The following EP400 variants were observed in gnomAD, a reference collection of about 807,000 sequenced individuals.
EP400 encodes the protein E1A binding protein p400.
In EP400, 105 loss-of-function variants were observed where a neutral mutation model predicts 354.1. That is an observed-to-expected ratio of 0.30 (90% CI 0.25 to 0.35). EP400 has a LOEUF of 0.35. Ranked by LOEUF, EP400 falls within the 10% of genes least tolerant of loss-of-function variation. The pLI is 1.00. For synonymous variants in EP400, 1,646 were observed against 1,716.9 expected (o/e 0.96, Z 1.02); for missense variants, 3,280 against 4,121.0 (o/e 0.80, Z 5.59).
At chr12:132,074,327 T>TCAC (rs1176721769) in intron 51 of EP400, among the ~76,000 whole-genome samples, 1 of 152,164 alleles carries the variant, frequency 6.6e-6, no homozygotes, top group Non-Finnish European at 1.5e-5. Context: ...TCTTCCAGGG[T>TCAC]CACCTGTCTC....
In EP400 at chr12:132,067,075, C is replaced by T; in HGVS notation, c.8749+106C>T. The T allele has an allele frequency of 7.4e-7, 1 of 1,359,590 alleles. No homozygotes were observed. Among genetic ancestry groups the T allele is most frequent in the Non-Finnish European group, 9.7e-7 (1 of 1,030,436 alleles). 84.2% of individuals were successfully genotyped at this position (1,359,590 alleles called of 1,614,324 possible). ...CCCGTGTTCTTTCCTCACACCCACCCACTTGAGCGTGCCATCACGTGTTCT... is the reference window on the plus strand; with the variant it reads ...CCCGTGTTCTTTCCTCACACCCACCTACTTGAGCGTGCCATCACGTGTTCT... On this transcript the variant is annotated intron_variant, in intron 49 of 52. Transcript: ENST00000389561. This position sits in a 1 kb window ranked among gnomAD's most constrained non-coding sequence, Gnocchi z 5.3.
intron 51 of EP400, among the ~76,000 whole-genome samples, chr12:132,071,592 C>T (rs148964637): frequency 4.0e-4 from 61 of 152,324 alleles, no homozygotes; most frequent in African/African-American, 1.4e-3. Flanking sequence ...GCTCCTCCTC[C>T]GCACCCTTCC....
chr12:132,062,405 A>G, intron 46 of EP400, 61 bp from the exon 47 acceptor site: 1 of 1,610,352 alleles, frequency 6.2e-7, no homozygotes, highest in South Asian at 1.1e-5. Context: ...CTGTCTGAGA[A>G]TGAGGATCTG....
At chr12:132,030,706 C>T in intron 29 of EP400, among the ~76,000 whole-genome samples, 1 of 152,184 alleles carries the variant, frequency 6.6e-6, no homozygotes, top group East Asian at 1.9e-4. Context: ...ACAAACACAC[C>T]ACTTAAGATC....
chr12:132,000,998 T>C (rs887084056), intron 12 of EP400, among the ~76,000 whole-genome samples: 24 of 152,362 alleles, frequency 1.6e-4, no homozygotes, highest in Middle Eastern at 6.8e-3. Flanking sequence ...TGGTTTCTGC[T>C]GATGGTACAT....
intron 1 of EP400, among the ~76,000 whole-genome samples, chr12:131,957,478 T>G (rs1288116870): frequency 2.0e-5 from 3 of 151,566 alleles, no homozygotes; most frequent in Non-Finnish European, 2.9e-5. Flanking sequence ...TGGTTTTTTT[T>G]TTTTCCTGTC....
chr12:131,961,942 TATC>T lies in EP400; in HGVS notation c.1325_1327del (p.Ile442del). The T allele has an allele frequency of 6.2e-7, 1 of 1,611,758 alleles. No homozygotes were observed. Among genetic ancestry groups the T allele is most frequent in the Non-Finnish European group, 8.5e-7 (1 of 1,178,982 alleles). ...AAGAGGAGGAAGAAAAATCTGAGGT[TATC>T]AATGACGAGGTAAGAAACAGGAGTT... On this transcript the variant is annotated inframe_deletion, in exon 2 of 53. Coordinates refer to ENST00000389561, the MANE Select transcript of EP400 (RefSeq NM_015409.5).
rs1187486120 is a variant in EP400, at chr12:132,023,843, C to T, written c.4757C>T (p.Pro1586Leu). Residue 1586 changes from proline to leucine, a missense_variant, in exon 24 of 53, where the codon CCA (proline) becomes CTA (leucine). Physicochemically the swap from Pro to Leu is moderately conservative, Grantham distance 98. This residue lies in a region of EP400 where 25 missense variants were observed against 51.2 expected (regional missense o/e 0.49). Transcript: ENST00000389561. ...GGACCACAGAGCCGCGTGGCTCAGCCAGAGACGCCGGTGACACTGCAGTTC... is the reference window on the plus strand; with the variant it reads ...GGACCACAGAGCCGCGTGGCTCAGCTAGAGACGCCGGTGACACTGCAGTTC... Reference protein sequence around the residue: ...ITGPQSRVAQPETPVTLQFQG... With the variant: ...ITGPQSRVAQLETPVTLQFQG... The T allele has an allele frequency of 1.9e-6, 3 of 1,613,722 alleles. No homozygotes were observed. The highest frequency in any genetic ancestry group is 2.5e-6 in the Non-Finnish European group (3 of 1,179,916).
chr12:132,069,526 C>T lies in EP400; in HGVS notation c.8906C>T (p.Ala2969Val), dbSNP rs143643260. Reference sequence around the variant, plus strand: ...GCACAGCAGATCACCACCCCTGGCGCGCAGCAGAAGGTTGCCTACGCCGCG... The same window carrying T: ...GCACAGCAGATCACCACCCCTGGCGTGCAGCAGAAGGTTGCCTACGCCGCG... Reference protein sequence around the residue: ...ITAQQITTPGAQQKVAYAAQP... With the variant: ...ITAQQITTPGVQQKVAYAAQP... Residue 2969 changes from alanine (A) to valine (V), a missense_variant, in exon 51 of 53, where the codon GCG becomes GTG. By Grantham distance (64) the Ala-to-Val change is moderately conservative (BLOSUM62 0). Coordinates refer to ENST00000389561, the MANE Select transcript of EP400 (RefSeq NM_015409.5). 3.1e-5 allele frequency: 50 copies of T among 1,614,086 alleles called. No homozygotes were observed. The African/African-American group carries it at 4.1e-4, about 13-fold the overall frequency.
intron 24 of EP400, among the ~76,000 whole-genome samples, chr12:132,024,875 G>A (rs1024228948): frequency 6.7e-6 from 1 of 148,652 alleles, no homozygotes; most frequent in African/African-American, 2.5e-5. Context: ...TTCCGTGACT[G>A]CAGCCTCAGC....
chr12:132,040,524 G>GT (rs1653373836), intron 32 of EP400, among the ~76,000 whole-genome samples: 1 of 152,204 alleles, frequency 6.6e-6, no homozygotes, highest in Non-Finnish European at 1.5e-5. Flanking sequence ...CAGCAGCATA[G>GT]TATTTCAACA....
rs1481119654 is a variant in EP400, at chr12:131,982,104, C to T, written c.1555C>T (p.Pro519Ser). ...LMPTAQGGMP[P>S]TPQAAQLAGQ... ...TTCTTATTTTGCAGGAGGAATGCCC[C>T]CCACGCCGCAGGCCGCGCAGCTCGC... Residue 519 changes from proline (P) to serine (S), a missense_variant, in exon 5 of 53, where the codon CCC becomes TCC. Coordinates refer to ENST00000389561, the MANE Select transcript of EP400 (RefSeq NM_015409.5). The T allele has an allele frequency of 6.6e-7, 1 of 1,514,338 alleles. No homozygotes were observed. The highest frequency in any genetic ancestry group is 2.1e-4 in the Middle Eastern group (1 of 4,786). The allele number at this position is 1,514,338 out of a possible 1,614,324, so 93.8% of individuals were successfully genotyped here.
At chr12:132,019,371 CT>C (rs1338876492) in intron 21 of EP400, among the ~76,000 whole-genome samples, 9 of 152,138 alleles carry the variant, frequency 5.9e-5, no homozygotes, top group Non-Finnish European at 1.0e-4. Context: ...CCGTCTCTGC[CT>C]GTTACATTGT....
Position 132,028,190 on chromosome 12 carries a change from C to T in EP400, c.5283C>T (p.Ala1761=), listed in dbSNP as rs775750157. ...GSLDGRRGKE[A]GPAHSYTSSS... The stretch of plus-strand genomic sequence containing the variant: ...TGGATGGCCGTCGTGGGAAGGAGGC[C>T]GGGCCAGCGCACAGTTACACTTCAT... Residue 1761 remains alanine (A), a synonymous_variant, in exon 27 of 53, where the codon GCC becomes GCT. Transcript: ENST00000389561. The T allele has an allele frequency of 8.1e-6, 13 of 1,613,990 alleles. No homozygotes were observed. In the Admixed American group the frequency reaches 8.3e-5, roughly 10 times the overall value.
rs753781594 is a variant in EP400, at chr12:131,961,972, A to G, written c.1335+18A>G. 6.3e-7 allele frequency: 1 copy of G among 1,599,086 alleles called. No individual in the cohort carries two copies. The highest frequency in any genetic ancestry group is 8.5e-7 in the Non-Finnish European group (1 of 1,173,902). ...ATGACGAGGTAAGAAACAGGAGTTAATTTGTTTAGTACAAATCTTCTAGAT... is the reference window on the plus strand; with the variant it reads ...ATGACGAGGTAAGAAACAGGAGTTAGTTTGTTTAGTACAAATCTTCTAGAT... On this transcript the variant is annotated intron_variant, in intron 2 of 52. Coordinates refer to ENST00000389561, the MANE Select transcript of EP400 (RefSeq NM_015409.5).
chr12:131,996,690 T>A (rs1182580187), intron 12 of EP400, among the ~76,000 whole-genome samples: 4 of 152,260 alleles, frequency 2.6e-5, no homozygotes, highest in African/African-American at 9.6e-5. Context: ...CTTGATATTG[T>A]CTGCCACTCT....
chr12:131,950,423 C>T (rs774352355), intron 1 of EP400, among the ~76,000 whole-genome samples: 20 of 152,164 alleles, frequency 1.3e-4, no homozygotes, highest in Non-Finnish European at 7.4e-5. Flanking sequence ...TTGCTCCTGG[C>T]GCTTGCGTGG....
intron 19 of EP400, among the ~76,000 whole-genome samples, chr12:132,016,251 C>T (rs1430042934): frequency 6.6e-6 from 1 of 152,240 alleles, no homozygotes; most frequent in Non-Finnish European, 1.5e-5. Context: ...ATTTTTCGGT[C>T]TCCACTCATT....
intron 23 of EP400, among the ~76,000 whole-genome samples, chr12:132,022,442 G>C (rs1241052956): frequency 6.6e-6 from 1 of 152,108 alleles, no homozygotes; most frequent in Non-Finnish European, 1.5e-5. Context: ...CATTTTTCTA[G>C]CCTCTTACTA....
Sources: gnomAD v4.1 joint callset for allele counts (sites outside exome capture counted in the v4.1 genomes callset) on GRCh38, gnomAD v4.1.1 for gene constraint, gnomAD v4.1.1 regional missense constraint, Gnocchi (gnomAD v3.1) non-coding constraint, MANE v1.5 for transcripts, NCBI Gene and HGNC (gene_info 2026-07-23, HGNC 2026-07-21) for gene names.